The following STX12 variants were observed in gnomAD, a reference collection of about 807,000 sequenced individuals.
The protein encoded by STX12 is syntaxin 12, also known as syntaxin-12.
A neutral mutation model predicts 42.2 loss-of-function variants in STX12; 17 were observed. The observed-to-expected ratio is 0.40, with a 90% CI of 0.28 to 0.60. STX12 has a LOEUF of 0.60. Among genes scored for constraint, STX12 ranks in the 20% least tolerant of loss-of-function variants. The pLI is 0.39. For missense variants in STX12, 297 were observed against 330.9 expected (o/e 0.90, Z 0.79); for synonymous variants, 108 against 116.7 (o/e 0.93, Z 0.48).
chr1:27,778,759 G>A (rs1255636483), intron 1 of STX12, among the ~76,000 whole-genome samples: 2 of 151,614 alleles, frequency 1.3e-5, no homozygotes, highest in Non-Finnish European at 2.9e-5. Flanking sequence ...ATGTGATCTT[G>A]TTTACTAACA....
At chr1:27,811,302 C>T (rs1471337021) in intron 5 of STX12, among the ~76,000 whole-genome samples, 3 of 109,928 alleles carry the variant, frequency 2.7e-5, no homozygotes, top group African/African-American at 1.1e-4. Context: ...AGCGAAACTC[C>T]GTCTCAAAAA....
chr1:27,808,919 A>C (rs2088882803), intron 4 of STX12, among the ~76,000 whole-genome samples: 1 of 152,236 alleles, frequency 6.6e-6, no homozygotes, highest in Admixed American at 6.5e-5. Flanking sequence ...TATATGCCAA[A>C]GAGGAGACTA....
At chr1:27,818,173 G>C in intron 7 of STX12, 1 of 385,316 alleles carries the variant, frequency 2.6e-6, no homozygotes, top group Non-Finnish European at 4.8e-6. Flanking sequence ...ATGAGGTCAG[G>C]AGATGGAGAC....
Position 27,801,770 on chromosome 1 carries a change from G to T in STX12, c.381G>T (p.Lys127Asn), listed in dbSNP as rs1329306167. ...FQAVQRRVSE[K>N]EKESIARARA... ...CTGTGCAGAGAAGGGTATCTGAAAA[G>T]GAAAAGGAGAGTATTGCCAGAGCAA... Residue 127 changes from lysine to asparagine, a missense_variant, in exon 4 of 9, where the codon AAG (lysine) becomes AAT (asparagine). Transcript: ENST00000373943. 4 of 1,596,120 alleles carry T rather than the reference G, an allele frequency of 2.5e-6. No homozygotes were observed. Among genetic ancestry groups the T allele is most frequent in the Non-Finnish European group, 3.4e-6 (4 of 1,173,728 alleles).
Position 27,817,937 on chromosome 1 carries a change from A to T in STX12, c.649+14A>T. Reference sequence around the variant, plus strand: ...GTGATCTGATTGGTATGTATTATTGATACCTTTAACCTCAAGGTGAGTTGA... The same window carrying T: ...GTGATCTGATTGGTATGTATTATTGTTACCTTTAACCTCAAGGTGAGTTGA... On this transcript the variant is annotated intron_variant, in intron 7 of 8. Transcript: ENST00000373943. 1 of 1,609,568 alleles carries T rather than the reference A, an allele frequency of 6.2e-7. No individual in the cohort carries two copies. Among genetic ancestry groups the T allele is most frequent in the Non-Finnish European group, 8.5e-7 (1 of 1,176,224 alleles).
chr1:27,818,253 C>T (rs1028214229), intron 7 of STX12, among the ~76,000 whole-genome samples: 2 of 152,022 alleles, frequency 1.3e-5, no homozygotes, highest in African/African-American at 4.8e-5. Flanking sequence ...TGGTGGCATG[C>T]ACCTGTAGTC....
chr1:27,809,718 A>C (rs1571530238), intron 4 of STX12, among the ~76,000 whole-genome samples: 1 of 152,048 alleles, frequency 6.6e-6, no homozygotes, highest in Admixed American at 6.6e-5. Context: ...TCAGCCTCCC[A>C]AAGTGCTGGG....
At chr1:27,797,875 A>AACACACAC (rs61106135) in intron 3 of STX12, among the ~76,000 whole-genome samples, 6,462 of 143,118 alleles carry the variant, frequency 0.045, 484 homozygotes, top group African/African-American at 0.15. Flanking sequence ...TCTGAAGGTA[A>AACACACAC]ACACACACAC....
intron 4 of STX12, among the ~76,000 whole-genome samples, chr1:27,803,920 G>GC (rs2088842651): frequency 6.6e-6 from 1 of 152,046 alleles, no homozygotes. Context: ...AGAATCGCTT[G>GC]AACCAGGGAG....
intron 4 of STX12, among the ~76,000 whole-genome samples, chr1:27,803,789 G>A (rs1317025002): frequency 6.6e-6 from 1 of 152,004 alleles, no homozygotes; most frequent in Non-Finnish European, 1.5e-5. Flanking sequence ...AGATCACGAG[G>A]TCAGGAGTTC....
At chr1:27,783,398 G>A (rs1246532651) in intron 1 of STX12, among the ~76,000 whole-genome samples, 6 of 152,066 alleles carry the variant, frequency 3.9e-5, no homozygotes, top group African/African-American at 1.4e-4. Flanking sequence ...GCAGTGGCAC[G>A]ATCTCAGCTT....
chr1:27,812,333 C>A, intron 6 of STX12, 65 bp downstream of exon 6: 2 of 1,159,238 alleles, frequency 1.7e-6, no homozygotes, highest in South Asian at 1.4e-5. Flanking sequence ...CTCCTTAGTT[C>A]ACTTTAATTC....
At chr1:27,806,469 TC>T (rs1484217762) in intron 4 of STX12, among the ~76,000 whole-genome samples, 1 of 152,250 alleles carries the variant, frequency 6.6e-6, no homozygotes, top group Non-Finnish European at 1.5e-5. Context: ...ACATTGTATT[TC>T]TTTATGCAGC....
intron 8 of STX12, among the ~76,000 whole-genome samples, chr1:27,821,259 C>T (rs1201052925): frequency 3.3e-5 from 5 of 151,530 alleles, no homozygotes; most frequent in Admixed American, 1.3e-4. Flanking sequence ...TAAAGAAATT[C>T]GTATTTAATA....
Position 27,773,275 on chromosome 1 carries a change from C to T in STX12, c.-33C>T, listed in dbSNP as rs900722265. ...CTGGCGGCTGCTTCCGGTAGGAGAG[C>T]GGTGTAGAGCGAGCAGGTCTCAGCT... On this transcript the variant is annotated 5_prime_UTR_variant, in exon 1 of 9. Coordinates refer to ENST00000373943, the MANE Select transcript of STX12 (RefSeq NM_177424.3). The T allele has an allele frequency of 1.7e-5, 24 of 1,421,468 alleles. No homozygotes were observed. Among genetic ancestry groups the T allele is most frequent in the East Asian group, 2.4e-5 (1 of 41,546 alleles). The allele number at this position is 1,421,468 out of a possible 1,614,324, so 88.1% of individuals were successfully genotyped here.
chr1:27,820,288 A>G (rs2088975788), intron 8 of STX12: 2 of 152,096 alleles, frequency 1.3e-5, no homozygotes, highest in Admixed American at 1.3e-4. Flanking sequence ...CTTCCCTTCA[A>G]TTTGGTGTTG....
At chr1:27,805,953 G>C (rs112645946) in intron 4 of STX12, among the ~76,000 whole-genome samples, 14 of 152,082 alleles carry the variant, frequency 9.2e-5, no homozygotes, top group Non-Finnish European at 1.8e-4. Context: ...ACATCTGTTG[G>C]TCTATATTAT....
intron 7 of STX12, among the ~76,000 whole-genome samples, chr1:27,819,172 G>A (rs2088965521): frequency 6.6e-6 from 1 of 151,230 alleles, no homozygotes; most frequent in African/African-American, 2.4e-5. Flanking sequence ...AGGAGGCTGA[G>A]GTGGGAAGAT....
At chr1:27,773,489 C>T in intron 1 of STX12, 64 bp downstream of exon 1, 1 of 1,493,092 alleles carries the variant, frequency 6.7e-7, no homozygotes, top group African/African-American at 1.4e-5. Flanking sequence ...GTGAGGCTGC[C>T]GGGACGCAGG....
Sources: allele counts gnomAD v4.1 joint callset (sites outside exome capture counted in the v4.1 genomes callset), GRCh38; gene constraint gnomAD v4.1.1; transcripts MANE v1.5; gene names NCBI Gene and HGNC (gene_info 2026-07-23, HGNC 2026-07-21).